The following GRM8 variants were observed in gnomAD, a reference collection of about 807,000 sequenced individuals.
GRM8 encodes metabotropic glutamate receptor 8.
A neutral mutation model predicts 87.2 loss-of-function variants in GRM8; 47 were observed. That is an observed-to-expected ratio of 0.54 (90% CI 0.43 to 0.69). GRM8 has a LOEUF of 0.69. Among genes scored for constraint, GRM8 ranks in the 30% least tolerant of loss-of-function variants. The pLI is 0.00. For synonymous variants in GRM8, 396 were observed against 404.5 expected (o/e 0.98, Z 0.25); for missense variants, 1,019 against 1,139.2 (o/e 0.89, Z 1.52).
At chr7:126,931,347 C>G (rs2518954) in intron 3 of GRM8, among the ~76,000 whole-genome samples, 48,726 of 152,008 alleles carry the variant, frequency 0.32, 9,317 homozygotes, top group East Asian at 0.66. Context: ...ATGGTAATCT[C>G]TAGGGGCTTA....
At chr7:126,616,840 C>G (rs1448648919) in intron 7 of GRM8, among the ~76,000 whole-genome samples, 1 of 152,020 alleles carries the variant, frequency 6.6e-6, no homozygotes, top group Non-Finnish European at 1.5e-5. Flanking sequence ...AACTTGAATC[C>G]CTGAACAGAC....
intron 7 of GRM8, among the ~76,000 whole-genome samples, chr7:126,611,454 A>G (rs1034668164): frequency 2.6e-5 from 4 of 152,236 alleles, no homozygotes; most frequent in African/African-American, 9.6e-5. Flanking sequence ...AAGGATGTTG[A>G]AAGTTCTCTA....
At chr7:127,124,470 AT>A (rs1374471741) in intron 2 of GRM8, among the ~76,000 whole-genome samples, 2 of 151,964 alleles carry the variant, frequency 1.3e-5, no homozygotes, top group African/African-American at 4.8e-5. Flanking sequence ...GTTCATCTTT[AT>A]TTGCTTACAA....
At chr7:126,551,034 A>T (rs1792530535) in intron 8 of GRM8, among the ~76,000 whole-genome samples, 1 of 151,780 alleles carries the variant, frequency 6.6e-6, no homozygotes, top group South Asian at 2.1e-4. Flanking sequence ...ATTAAATAAA[A>T]TAATAATATA....
chr7:126,942,132 T>G (rs901388325), intron 3 of GRM8, among the ~76,000 whole-genome samples: 3 of 151,988 alleles, frequency 2.0e-5, no homozygotes, highest in African/African-American at 7.3e-5. Context: ...GATGTTTTGA[T>G]TACATGAGCA....
intron 2 of GRM8, among the ~76,000 whole-genome samples, chr7:127,194,214 T>A (rs1795169373): frequency 6.6e-6 from 1 of 152,228 alleles, no homozygotes; most frequent in African/African-American, 2.4e-5. Context: ...AATGTGGGCT[T>A]TAGAGTTGGA....
intron 2 of GRM8, among the ~76,000 whole-genome samples, chr7:127,158,826 T>C (rs540082606): frequency 1.3e-5 from 2 of 151,612 alleles, no homozygotes; most frequent in South Asian, 4.2e-4. Flanking sequence ...AGGCTGAATA[T>C]GCTCTCCTGG....
At chr7:127,151,561 C>T (rs1828861693) in intron 2 of GRM8, among the ~76,000 whole-genome samples, 2 of 152,032 alleles carry the variant, frequency 1.3e-5, no homozygotes, top group Admixed American at 6.6e-5. Context: ...AGGAGGCGAT[C>T]GGGATGCTGT....
At chr7:126,807,546 G>T (rs902358308) in intron 6 of GRM8, among the ~76,000 whole-genome samples, 1 of 151,998 alleles carries the variant, frequency 6.6e-6, no homozygotes, top group African/African-American at 2.4e-5. Flanking sequence ...TCCTTCAGTT[G>T]CCTCCTTATA....
intron 9 of GRM8, among the ~76,000 whole-genome samples, chr7:126,452,080 T>A (rs1046025082): frequency 6.6e-6 from 1 of 151,700 alleles, no homozygotes; most frequent in Non-Finnish European, 1.5e-5. Context: ...GTGGCACATA[T>A]ACACTATGGA....
chr7:126,507,445 C>T (rs138480825), intron 9 of GRM8, among the ~76,000 whole-genome samples: 8 of 152,190 alleles, frequency 5.3e-5, no homozygotes, highest in African/African-American at 1.9e-4. Flanking sequence ...AATTACTTAA[C>T]AAATATTGGC....
intron 2 of GRM8, among the ~76,000 whole-genome samples, chr7:127,160,822 C>T (rs887619822): frequency 7.6e-6 from 1 of 131,600 alleles, no homozygotes; most frequent in Non-Finnish European, 1.6e-5. Flanking sequence ...TTTAGCATTA[C>T]CTCTCTCAGA....
intron 6 of GRM8, among the ~76,000 whole-genome samples, chr7:126,849,286 A>G (rs1327872613): frequency 1.3e-5 from 2 of 150,472 alleles, no homozygotes; most frequent in South Asian, 2.1e-4. Flanking sequence ...GAAAGCATAT[A>G]GGGAATACTT....
At chr7:126,736,606 T>A (rs777764819) in intron 7 of GRM8, among the ~76,000 whole-genome samples, 6 of 152,100 alleles carry the variant, frequency 3.9e-5, no homozygotes, top group Non-Finnish European at 8.8e-5. Context: ...TAAATATTTC[T>A]AACCTTTGCT....
At chr7:126,639,821 G>C (rs1389163766) in intron 7 of GRM8, among the ~76,000 whole-genome samples, 2 of 152,186 alleles carry the variant, frequency 1.3e-5, no homozygotes, top group Non-Finnish European at 2.9e-5. Context: ...AGACTCAGAA[G>C]CTGTGGTGTG....
chr7:126,962,168 A>T (rs186619863), intron 3 of GRM8, among the ~76,000 whole-genome samples: 19 of 152,340 alleles, frequency 1.2e-4, no homozygotes, highest in African/African-American at 4.6e-4. Context: ...AACAACAATT[A>T]TGTGCTAAGC....
chr7:127,151,789 G>C (rs1245457926), intron 2 of GRM8, among the ~76,000 whole-genome samples: 2 of 152,078 alleles, frequency 1.3e-5, no homozygotes, highest in African/African-American at 2.4e-5. Context: ...CTAAAGAAGA[G>C]ATATTATGTG....
At chr7:127,119,992 CCT>C (rs2133174834) in intron 2 of GRM8, among the ~76,000 whole-genome samples, 1 of 152,270 alleles carries the variant, frequency 6.6e-6, no homozygotes, top group East Asian at 1.9e-4. Flanking sequence ...ACTTATTTGA[CCT>C]CTCTCTTAAG....
chr7:126,535,427 G>A (rs1448208979), intron 8 of GRM8, among the ~76,000 whole-genome samples: 1 of 152,194 alleles, frequency 6.6e-6, no homozygotes, highest in Non-Finnish European at 1.5e-5. Flanking sequence ...AAGAATTCAA[G>A]GGCAAGCTGA....
Sources: allele counts gnomAD v4.1 joint callset (sites outside exome capture counted in the v4.1 genomes callset), GRCh38; gene constraint gnomAD v4.1.1; transcripts MANE v1.5; gene names NCBI Gene and HGNC (gene_info 2026-07-23, HGNC 2026-07-21).